The following RAB27A variants were observed in gnomAD, a reference collection of about 807,000 sequenced individuals.
The protein encoded by RAB27A is ras-related protein Rab-27A.
RAB27A carries 17 observed loss-of-function variants against 20.8 expected under a neutral mutation model. That is an observed-to-expected ratio of 0.82 (90% CI 0.56 to 1.23). The LOEUF is 1.23. Ranked by LOEUF, RAB27A falls within the 50% of genes most tolerant of loss-of-function variation. RAB27A has a pLI of 0.00. For missense variants in RAB27A, 277 were observed against 266.7 expected (o/e 1.04, Z -0.27); for synonymous variants, 85 against 92.8 (o/e 0.92, Z 0.48).
At chr15:55,239,272 C>G (rs1896386780) in intron 2 of RAB27A, among the ~76,000 whole-genome samples, 1 of 152,162 alleles carries the variant, frequency 6.6e-6, no homozygotes, top group African/African-American at 2.4e-5. Flanking sequence ...CCAATATAGA[C>G]TGGTTCAAAA....
rs183211053 is a variant in RAB27A, at chr15:55,286,134, C to A, written c.-143+3582G>T. Among the ~76,000 whole-genome samples the A allele has an allele frequency of 2.0e-4, 31 of 152,288 alleles. No homozygotes were observed. The East Asian group carries it at 6.0e-3, about 29-fold the overall frequency. On this transcript the variant is annotated intron_variant, in intron 1 of 6. Coordinates refer to ENST00000336787, the MANE Select transcript of RAB27A (RefSeq NM_183235.3). ...CTACAGACATACCATCCTGGATGTG[C>A]CCGATCTCCTCTGATCTTGGAAGCC...
intron 2 of RAB27A, among the ~76,000 whole-genome samples, chr15:55,252,653 A>C (rs1343404009): frequency 6.6e-6 from 1 of 151,972 alleles, no homozygotes; most frequent in East Asian, 1.9e-4. Flanking sequence ...CAAAAACCCC[A>C]AAAGCTATTG....
intron 2 of RAB27A, among the ~76,000 whole-genome samples, chr15:55,236,107 A>G (rs749240589): frequency 3.9e-5 from 6 of 152,022 alleles, no homozygotes; most frequent in Non-Finnish European, 4.4e-5. Flanking sequence ...AGAAATCACC[A>G]CTAAAGAACT....
At chr15:55,315,965 G>T (rs912418706) in intron 1 of RAB27A, among the ~76,000 whole-genome samples, 2 of 152,282 alleles carry the variant, frequency 1.3e-5, no homozygotes, top group African/African-American at 4.8e-5. Context: ...CAGGCGCGGT[G>T]GCTCATGCCT....
At chr15:55,213,825 G>GC (rs1895138921) in intron 6 of RAB27A, among the ~76,000 whole-genome samples, 1 of 152,150 alleles carries the variant, frequency 6.6e-6, no homozygotes, top group African/African-American at 2.4e-5. Context: ...ATTATGGTGA[G>GC]CCGTATAATT....
chr15:55,263,235 G>A (rs1035919585), intron 2 of RAB27A, among the ~76,000 whole-genome samples: 2 of 152,118 alleles, frequency 1.3e-5, no homozygotes, highest in Non-Finnish European at 2.9e-5. Flanking sequence ...GCAAAGGGAG[G>A]TAGTTCTCAG....
At chr15:55,318,098 CT>C (rs200901102) in intron 1 of RAB27A, among the ~76,000 whole-genome samples, 4,829 of 131,304 alleles carry the variant, frequency 0.037, 173 homozygotes, top group African/African-American at 0.14. Flanking sequence ...CATACTTTTT[CT>C]TTTTTTTTTT....
intron 2 of RAB27A, among the ~76,000 whole-genome samples, chr15:55,312,052 G>C (rs2055022980): frequency 6.6e-6 from 1 of 152,228 alleles, no homozygotes; most frequent in African/African-American, 2.4e-5. Flanking sequence ...TCACGGAAGA[G>C]AACCGTGGAA....
At chr15:55,260,924 A>G (rs575189143) in intron 2 of RAB27A, among the ~76,000 whole-genome samples, 2 of 151,880 alleles carry the variant, frequency 1.3e-5, no homozygotes, top group African/African-American at 4.8e-5. Context: ...AATCTAAACT[A>G]TGGACTTTGG....
At chr15:55,208,753 C>T (rs1260066584) in intron 6 of RAB27A, among the ~76,000 whole-genome samples, 3 of 152,238 alleles carry the variant, frequency 2.0e-5, no homozygotes, top group Non-Finnish European at 4.4e-5. Flanking sequence ...GGTACACCAC[C>T]ATCACTGGCT....
At chr15:55,255,474 G>T (rs1414577185) in intron 2 of RAB27A, among the ~76,000 whole-genome samples, 1 of 152,034 alleles carries the variant, frequency 6.6e-6, no homozygotes, top group Non-Finnish European at 1.5e-5. Context: ...CCTCACCACT[G>T]GACAGACAAC....
At chr15:55,258,756 T>C (rs963176562) in intron 2 of RAB27A, among the ~76,000 whole-genome samples, 2 of 152,214 alleles carry the variant, frequency 1.3e-5, no homozygotes, top group African/African-American at 4.8e-5. Flanking sequence ...TGAGCATCTT[T>C]TATTAGTTTC....
rs577235358 is a variant in RAB27A, at chr15:55,311,634, T to G, written c.-112+2405A>C. 5.7e-4 allele frequency among the ~76,000 whole-genome samples: 87 copies of G among 152,344 alleles called. 1 individual carries two copies. Among genetic ancestry groups the G allele is most frequent in the African/African-American group, 2.1e-3 (87 of 41,586 alleles). On this transcript the variant is annotated intron_variant, in intron 2 of 5. Transcript: ENST00000563262. Reference sequence around the variant, plus strand: ...ATGGCACTTCACTCCTTATGCCTTCTTTTCTACAAAAGAGGTGTAGCTGTA... The same window carrying G: ...ATGGCACTTCACTCCTTATGCCTTCGTTTCTACAAAAGAGGTGTAGCTGTA...
At position 55,204,260 on chromosome 15, in the gene RAB27A, A is replaced by G. The variant is rs1894536346; in HGVS notation, c.*1247T>C. On this transcript the variant is annotated 3_prime_UTR_variant, in exon 7 of 7. Transcript: ENST00000336787. ...AACAACTTCCATGAAACATATATTA[A>G]AACCACCTTTAATTTGGTATGAAGA... 1 of 152,232 alleles carries G rather than the reference A, an allele frequency of 6.6e-6. No homozygotes were observed. The highest frequency in any genetic ancestry group is 2.4e-5 in the African/African-American group (1 of 41,466). The allele number at this position is 152,232 out of a possible 1,614,324, so 9.4% of individuals were successfully genotyped here.
chr15:55,245,466 T>A (rs1265557377), intron 2 of RAB27A, among the ~76,000 whole-genome samples: 1 of 152,254 alleles, frequency 6.6e-6, no homozygotes, highest in Admixed American at 6.5e-5. Flanking sequence ...AAAGATGAGT[T>A]TGATTTTATC....
At chr15:55,306,128 C>A (rs561501073) in intron 2 of RAB27A, among the ~76,000 whole-genome samples, 20 of 152,214 alleles carry the variant, frequency 1.3e-4, no homozygotes, top group Non-Finnish European at 2.2e-4. Flanking sequence ...GAGTTACCCA[C>A]CTGATGCATT....
At chr15:55,221,072 C>A (rs1350362478) in intron 6 of RAB27A, among the ~76,000 whole-genome samples, 5 of 152,326 alleles carry the variant, frequency 3.3e-5, no homozygotes, top group Middle Eastern at 3.4e-3. Context: ...CAGTCCCCCA[C>A]ACCCCTCAGA....
chr15:55,244,251 G>A lies in RAB27A; in HGVS notation c.-22-9295C>T, dbSNP rs183669236. On this transcript the variant is annotated intron_variant, in intron 2 of 6. Transcript: ENST00000336787. ...AATCACTTGAACCTGGGAGGTGGAG[G>A]TTGCAGTGAGCAGAGATAGCACCAC... is the stretch of plus-strand genomic sequence containing the variant. 7.1e-4 allele frequency among the ~76,000 whole-genome samples: 108 copies of A among 152,274 alleles called. 1 individual carries two copies. The highest frequency in any genetic ancestry group is 2.4e-3 in the African/African-American group (101 of 41,540).
chr15:55,213,500 A>G (rs1278552858), intron 6 of RAB27A, among the ~76,000 whole-genome samples: 1 of 152,184 alleles, frequency 6.6e-6, no homozygotes, highest in African/African-American at 2.4e-5. Context: ...ACTGGTACCA[A>G]TCCATGGCCT....
Sources: gnomAD v4.1 joint callset for allele counts (sites outside exome capture counted in the v4.1 genomes callset) on GRCh38, gnomAD v4.1.1 for gene constraint, MANE v1.5 for transcripts, NCBI Gene and HGNC (gene_info 2026-07-23, HGNC 2026-07-21) for gene names.